FHOD3: variants seen among roughly 807,000 people sequenced by gnomAD.
FHOD3 encodes the protein FH1/FH2 domain-containing protein 3.
A neutral mutation model predicts 173.0 loss-of-function variants in FHOD3; 90 were observed. That is an observed-to-expected ratio of 0.52 (90% CI 0.44 to 0.62). FHOD3 has a LOEUF of 0.62. Ranked by LOEUF, FHOD3 falls within the 20% of genes least tolerant of loss-of-function variation. FHOD3 has a pLI of 0.00. For synonymous variants in FHOD3, 828 were observed against 823.0 expected (o/e 1.01, Z -0.10); for missense variants, 1,945 against 2,034.7 (o/e 0.96, Z 0.85).
intron 10 of FHOD3, among the ~76,000 whole-genome samples, chr18:36,641,213 ACT>A (rs1310766868): frequency 6.6e-6 from 1 of 152,140 alleles, no homozygotes; most frequent in Non-Finnish European, 1.5e-5. Flanking sequence ...AGGAAAAGTA[ACT>A]CTAGTCAGGA....
intron 14 of FHOD3, among the ~76,000 whole-genome samples, chr18:36,678,483 G>A (rs1471180974): frequency 7.6e-6 from 1 of 131,776 alleles, no homozygotes; most frequent in African/African-American, 3.0e-5. Context: ...GATTCAGTGA[G>A]CCATGATCAT....
At chr18:36,647,919 G>C (rs2035800195) in intron 10 of FHOD3, among the ~76,000 whole-genome samples, 1 of 152,160 alleles carries the variant, frequency 6.6e-6, no homozygotes, top group Non-Finnish European at 1.5e-5. Flanking sequence ...GCATTAAGGG[G>C]GTGCTGGTTA....
At chr18:36,584,460 A>G (rs904132666) in intron 6 of FHOD3, among the ~76,000 whole-genome samples, 1 of 152,242 alleles carries the variant, frequency 6.6e-6, no homozygotes, top group Non-Finnish European at 1.5e-5. Context: ...AGCAAATTCT[A>G]TATGGTCCAG....
At chr18:36,335,355 C>T (rs544371737) in intron 1 of FHOD3, among the ~76,000 whole-genome samples, 27 of 151,676 alleles carry the variant, frequency 1.8e-4, no homozygotes, top group African/African-American at 5.6e-4. Context: ...ATTAGCCGGG[C>T]GTGGTAGCGG....
intron 16 of FHOD3, among the ~76,000 whole-genome samples, chr18:36,689,458 G>A (rs1368074574): frequency 6.6e-6 from 1 of 152,076 alleles, no homozygotes; most frequent in Non-Finnish European, 1.5e-5. Flanking sequence ...GTGACCATCT[G>A]GATACATGTT....
intron 3 of FHOD3, among the ~76,000 whole-genome samples, chr18:36,388,172 C>A (rs1252539319): frequency 6.6e-6 from 1 of 152,142 alleles, no homozygotes; most frequent in Non-Finnish European, 1.5e-5. Context: ...ACTAATTATA[C>A]TCCTCATTCC....
At chr18:36,331,681 G>A (rs186540288) in intron 1 of FHOD3, among the ~76,000 whole-genome samples, 1 of 152,290 alleles carries the variant, frequency 6.6e-6, no homozygotes, top group East Asian at 1.9e-4. Context: ...GTTGGGTGAG[G>A]ATGGCAGGGA....
intron 1 of FHOD3, among the ~76,000 whole-genome samples, chr18:36,300,068 A>G (rs1385515989): frequency 6.6e-6 from 1 of 152,202 alleles, no homozygotes; most frequent in Non-Finnish European, 1.5e-5. Context: ...CATGTAGTGT[A>G]TGCCCCACCC....
At chr18:36,629,961 G>A (rs1237172584) in intron 10 of FHOD3, among the ~76,000 whole-genome samples, 5 of 152,036 alleles carry the variant, frequency 3.3e-5, no homozygotes, top group African/African-American at 9.7e-5. Context: ...CAGGAATGCT[G>A]TTCTACTTAG....
At chr18:36,647,803 A>T (rs979354171) in intron 10 of FHOD3, among the ~76,000 whole-genome samples, 5 of 152,266 alleles carry the variant, frequency 3.3e-5, no homozygotes, top group African/African-American at 1.2e-4. Flanking sequence ...GTAATGTTGA[A>T]CAAAAGCTAG....
chr18:36,561,986 GTATTGT>G (rs2058099752), intron 5 of FHOD3, among the ~76,000 whole-genome samples: 1 of 150,770 alleles, frequency 6.6e-6, no homozygotes, highest in Non-Finnish European at 1.5e-5. Context: ...GTATTGTATT[GTATTGT>G]ATTGTATTGT....
chr18:36,314,711 T>C (rs2044034638), intron 1 of FHOD3, among the ~76,000 whole-genome samples: 1 of 152,232 alleles, frequency 6.6e-6, no homozygotes, highest in Non-Finnish European at 1.5e-5. Flanking sequence ...GGGCATCTTA[T>C]ACTTTCAATG....
At position 36,369,480 on chromosome 18, in the gene FHOD3, CACACACACACACACACACAT is replaced by C. The variant is rs1426444790; in HGVS notation, c.273-3198_273-3179del. On this transcript the variant is annotated intron_variant, in intron 2 of 28. Coordinates refer to ENST00000590592, the MANE Select transcript of FHOD3 (RefSeq NM_001281740.3). Reference sequence around the variant, plus strand: ...ACACACACACACACACACACACACACACACACACACACACACACATATATATAGAGAGAGAGAGAGAGAGA... The same window carrying C: ...ACACACACACACACACACACACACACATATATAGAGAGAGAGAGAGAGAGA... 2.0e-4 allele frequency among the ~76,000 whole-genome samples: 26 copies of C among 129,124 alleles called. 1 individual carries two copies. The highest frequency in any genetic ancestry group is 5.5e-4 in the African/African-American group (18 of 32,594). The allele number at this position is 129,124 out of a possible 152,430, so 84.7% of individuals were successfully genotyped here. A position where few individuals can be genotyped will look rare whatever the true frequency, so the allele number is the denominator to read the frequency against.
At chr18:36,322,772 T>C (rs1358355902) in intron 1 of FHOD3, among the ~76,000 whole-genome samples, 1 of 152,224 alleles carries the variant, frequency 6.6e-6, no homozygotes, top group African/African-American at 2.4e-5. Context: ...GCTTTGTGCT[T>C]GCTGGCTTTG....
intron 5 of FHOD3, among the ~76,000 whole-genome samples, chr18:36,574,135 G>A (rs1289446337): frequency 6.6e-6 from 1 of 152,080 alleles, no homozygotes; most frequent in Admixed American, 6.6e-5. Context: ...GGAGAACTTG[G>A]CACACAGTGA....
At chr18:36,622,245 A>G (rs571078686) in intron 9 of FHOD3, among the ~76,000 whole-genome samples, 1 of 152,386 alleles carries the variant, frequency 6.6e-6, no homozygotes, top group South Asian at 2.1e-4. Flanking sequence ...TGAATAAGTT[A>G]TAGATATGTG....
intron 3 of FHOD3, among the ~76,000 whole-genome samples, chr18:36,396,787 C>G (rs1442701677): frequency 2.0e-5 from 3 of 152,070 alleles, no homozygotes; most frequent in Non-Finnish European, 4.4e-5. Flanking sequence ...TATAATAATT[C>G]TGTATGAAAT....
intron 1 of FHOD3, among the ~76,000 whole-genome samples, chr18:36,319,404 T>C (rs1335894957): frequency 6.6e-6 from 1 of 152,194 alleles, no homozygotes; most frequent in Non-Finnish European, 1.5e-5. Context: ...TATTACATAA[T>C]GATAAAGGGA....
intron 14 of FHOD3, among the ~76,000 whole-genome samples, chr18:36,663,872 C>G (rs1043937868): frequency 1.3e-5 from 2 of 152,234 alleles, no homozygotes; most frequent in Non-Finnish European, 2.9e-5. Flanking sequence ...AGTGGACTGT[C>G]TATTCCCTAT....
Sources: gnomAD v4.1 joint callset for allele counts (sites outside exome capture counted in the v4.1 genomes callset) on GRCh38, gnomAD v4.1.1 for gene constraint, MANE v1.5 for transcripts, NCBI Gene and HGNC (gene_info 2026-07-23, HGNC 2026-07-21) for gene names.